The following KALRN variants were observed in gnomAD, a reference collection of about 807,000 sequenced individuals.
KALRN encodes the protein kalirin.
Under a neutral mutation model 353.7 loss-of-function variants are expected in KALRN, and 70 were observed. The observed-to-expected ratio is 0.20, with a 90% CI of 0.16 to 0.24. The LOEUF is 0.24. Among genes scored for constraint, KALRN ranks in the 10% least tolerant of loss-of-function variants. The pLI is 1.00. For missense variants in KALRN, 2,791 were observed against 3,756.7 expected, an observed-to-expected ratio of 0.74 and a Z score of 6.72; for synonymous variants, 1,391 against 1,434.8, an observed-to-expected ratio of 0.97 and a Z score of 0.69.
At chr3:124,615,764 C>T (rs2078516632) in intron 34 of KALRN, among the ~76,000 whole-genome samples, 1 of 152,182 alleles carries the variant, frequency 6.6e-6, no homozygotes, top group African/African-American at 2.4e-5. Flanking sequence ...GGAATCTGTG[C>T]TCCCGGTAGC....
At chr3:124,186,444 T>G (rs2074241380) in intron 1 of KALRN, among the ~76,000 whole-genome samples, 1 of 152,154 alleles carries the variant, frequency 6.6e-6, no homozygotes, top group African/African-American at 2.4e-5. Context: ...GTGAATAAGT[T>G]AAAGATGATT....
intron 34 of KALRN, among the ~76,000 whole-genome samples, chr3:124,613,039 G>A (rs981325829): frequency 6.6e-6 from 1 of 152,178 alleles, no homozygotes. Context: ...TGTAGTACTG[G>A]TGACATTCCA....
At chr3:124,279,220 G>T (rs1020290232) in intron 5 of KALRN, among the ~76,000 whole-genome samples, 5 of 152,158 alleles carry the variant, frequency 3.3e-5, no homozygotes, top group Non-Finnish European at 4.4e-5. Context: ...ACTTGTAGCT[G>T]AGTGACTGTG....
intron 37 of KALRN, among the ~76,000 whole-genome samples, chr3:124,642,815 T>TGTTGTTGTTTTTTTTTTTTTTG (rs1559750149): frequency 7.1e-6 from 1 of 140,364 alleles, no homozygotes; most frequent in Non-Finnish European, 1.5e-5. Context: ...CGTTTTTTTT[T>TGTTGTTGTTTTTTTTTTTTTTG]TTTTTTTTTT....
chr3:124,230,648 G>A (rs895114668), intron 2 of KALRN, among the ~76,000 whole-genome samples: 14 of 152,038 alleles, frequency 9.2e-5, no homozygotes, highest in African/African-American at 3.1e-4. Flanking sequence ...TGGGAGCATA[G>A]CTCTCCCCCA....
At chr3:124,222,348 T>C (rs930812471) in intron 1 of KALRN, among the ~76,000 whole-genome samples, 2 of 152,172 alleles carry the variant, frequency 1.3e-5, no homozygotes, top group African/African-American at 4.8e-5. Flanking sequence ...AAGCTGAATT[T>C]GAATAATAGA....
At chr3:124,588,245 G>A (rs571365047) in intron 34 of KALRN, among the ~76,000 whole-genome samples, 85 of 152,302 alleles carry the variant, frequency 5.6e-4, no homozygotes, top group East Asian at 1.7e-3. Flanking sequence ...GTCACACTCT[G>A]TGGGGAGTTA....
At chr3:124,621,686 G>A (rs2079287684) in intron 34 of KALRN, among the ~76,000 whole-genome samples, 1 of 152,166 alleles carries the variant, frequency 6.6e-6, no homozygotes, top group South Asian at 2.1e-4. Context: ...TCATTCTCCA[G>A]CACTAAGTGG....
chr3:124,312,841 AC>A (rs1246568126), intron 6 of KALRN, among the ~76,000 whole-genome samples: 1 of 152,192 alleles, frequency 6.6e-6, no homozygotes, highest in Non-Finnish European at 1.5e-5. Context: ...TAGAGTATAA[AC>A]TCCTAAAGGC....
chr3:124,348,773 A>G (rs183240215), intron 10 of KALRN, among the ~76,000 whole-genome samples: 6 of 152,274 alleles, frequency 3.9e-5, no homozygotes, highest in African/African-American at 1.4e-4. Flanking sequence ...GCTGGAGTGC[A>G]GTGATGTGAT....
At chr3:124,401,187 A>G (rs1280084278) in intron 13 of KALRN, among the ~76,000 whole-genome samples, 1 of 152,216 alleles carries the variant, frequency 6.6e-6, no homozygotes, top group African/African-American at 2.4e-5. Context: ...TCTGGCTTAA[A>G]GGTTACGAGA....
chr3:124,414,780 T>A (rs2092402989), intron 14 of KALRN, among the ~76,000 whole-genome samples: 1 of 152,180 alleles, frequency 6.6e-6, no homozygotes, highest in African/African-American at 2.4e-5. Context: ...CCGGGGTCCT[T>A]GTTGGCTCAG....
chr3:124,320,675 T>C (rs996090471), intron 6 of KALRN, among the ~76,000 whole-genome samples: 1 of 152,198 alleles, frequency 6.6e-6, no homozygotes, highest in Non-Finnish European at 1.5e-5. Flanking sequence ...TCTCAAGAGA[T>C]AAAGACCCTA....
intron 5 of KALRN, among the ~76,000 whole-genome samples, chr3:124,273,064 G>C (rs982012908): frequency 6.6e-6 from 1 of 152,234 alleles, no homozygotes; most frequent in Non-Finnish European, 1.5e-5. Flanking sequence ...TTGTAAAAGA[G>C]GTGGGCGCAG....
At chr3:124,468,343 A>AGG (rs537925841) in intron 25 of KALRN, among the ~76,000 whole-genome samples, 17 of 152,054 alleles carry the variant, frequency 1.1e-4, no homozygotes, top group South Asian at 4.2e-4. Context: ...TTGAAACACA[A>AGG]GGGGGGGGTT....
intron 33 of KALRN, among the ~76,000 whole-genome samples, chr3:124,522,703 G>A (rs1253769949): frequency 4.6e-5 from 7 of 152,200 alleles, no homozygotes; most frequent in African/African-American, 1.7e-4. Flanking sequence ...AAATTCCCAG[G>A]TAATGCTGGT....
intron 15 of KALRN, among the ~76,000 whole-genome samples, chr3:124,428,580 A>G (rs2093132944): frequency 6.6e-6 from 1 of 152,188 alleles, no homozygotes; most frequent in Non-Finnish European, 1.5e-5. Flanking sequence ...ACTCATTCCT[A>G]GGGTTCAGCC....
At chr3:124,624,097 G>A (rs2079645263) in intron 34 of KALRN, among the ~76,000 whole-genome samples, 1 of 152,206 alleles carries the variant, frequency 6.6e-6, no homozygotes, top group Non-Finnish European at 1.5e-5. Context: ...TCTGAGTAGT[G>A]TGATGAAATG....
chr3:124,041,442 A>G (rs1419926336), intron 1 of KALRN, among the ~76,000 whole-genome samples: 2 of 152,182 alleles, frequency 1.3e-5, no homozygotes, highest in East Asian at 1.9e-4. Flanking sequence ...GACAAGTATT[A>G]TCTGATTTAA....
Sources: gnomAD v4.1 joint callset for allele counts (sites outside exome capture counted in the v4.1 genomes callset) on GRCh38, gnomAD v4.1.1 for gene constraint, MANE v1.5 for transcripts, NCBI Gene and HGNC (gene_info 2026-07-23, HGNC 2026-07-21) for gene names.